Variants in ZNF385D observed in about 807,000 individuals in gnomAD.
ZNF385D encodes the protein zinc finger protein 385D, also known as zinc finger protein 659.
ZNF385D carries 15 observed loss-of-function variants against 35.8 expected under a neutral mutation model. That is an observed-to-expected ratio of 0.42 (90% CI 0.28 to 0.64). The LOEUF (loss-of-function observed/expected upper bound fraction) is 0.64. Ranked by LOEUF, ZNF385D falls within the 30% of genes least tolerant of loss-of-function variation. The pLI is 0.23. For synonymous variants in ZNF385D, 212 were observed against 186.8 expected, an observed-to-expected ratio of 1.13 and a Z score of -1.10; for missense variants, 474 against 494.6, an observed-to-expected ratio of 0.96 and a Z score of 0.39.
intron 3 of ZNF385D, among the ~76,000 whole-genome samples, chr3:21,991,030 G>C (rs1695119395): frequency 2.0e-5 from 3 of 152,144 alleles, no homozygotes; most frequent in African/African-American, 7.2e-5. Context: ...GTTTGTTACG[G>C]AGGTATAATT....
At chr3:21,708,870 C>CACAT (rs1553641608) in intron 1 of ZNF385D, among the ~76,000 whole-genome samples, 19 of 151,894 alleles carry the variant, frequency 1.3e-4, no homozygotes, top group African/African-American at 4.6e-4. Flanking sequence ...TGCACACACA[C>CACAT]ACACACACAC....
At chr3:21,627,251 GT>G (rs1379534889) in intron 2 of ZNF385D, among the ~76,000 whole-genome samples, 13 of 70,582 alleles carry the variant, frequency 1.8e-4, no homozygotes, top group Non-Finnish European at 8.9e-5. Context: ...TGTAGGGTGT[GT>G]GTGTGTGTGT....
At chr3:21,565,314 C>G (rs923868869) in intron 2 of ZNF385D, among the ~76,000 whole-genome samples, 7 of 152,016 alleles carry the variant, frequency 4.6e-5, no homozygotes, top group African/African-American at 1.7e-4. Context: ...TTATCTCCCT[C>G]CATTTTATTT....
chr3:21,644,695 C>T (rs750357449), intron 2 of ZNF385D, among the ~76,000 whole-genome samples: 1 of 152,006 alleles, frequency 6.6e-6, no homozygotes, highest in African/African-American at 2.4e-5. Flanking sequence ...ATACATACAA[C>T]GGAGGCTCAA....
intron 1 of ZNF385D, among the ~76,000 whole-genome samples, chr3:21,721,268 A>G (rs1052343222): frequency 6.6e-6 from 1 of 152,084 alleles, no homozygotes; most frequent in Admixed American, 6.6e-5. Flanking sequence ...TAAGATTCTT[A>G]CCTTCAGGTA....
At chr3:22,085,643 A>G (rs1700991443) in intron 3 of ZNF385D, among the ~76,000 whole-genome samples, 1 of 152,232 alleles carries the variant, frequency 6.6e-6, no homozygotes, top group African/African-American at 2.4e-5. Context: ...ATTCTACCAG[A>G]GGTACAAAGA....
chr3:21,831,742 A>G (rs930978288), intron 3 of ZNF385D, among the ~76,000 whole-genome samples: 2 of 152,166 alleles, frequency 1.3e-5, no homozygotes, highest in Non-Finnish European at 2.9e-5. Context: ...GCACTCCTTC[A>G]AAAGCCACAG....
exon 2 of ZNF385D, chr3:22,372,473 G>A: frequency 1.0e-6 from 1 of 985,794 alleles, no homozygotes; most frequent in Non-Finnish European, 1.2e-6. Flanking sequence ...AGCTTTCGGC[G>A]CCCCCAGGAG....
intron 4 of ZNF385D, among the ~76,000 whole-genome samples, chr3:21,501,932 T>G (rs567103419): frequency 6.6e-6 from 1 of 152,286 alleles, no homozygotes; most frequent in East Asian, 1.9e-4. Flanking sequence ...GTGTTCAGCT[T>G]TTCAGGTACT....
intron 3 of ZNF385D, among the ~76,000 whole-genome samples, chr3:21,885,305 T>C (rs1262489526): frequency 6.6e-6 from 1 of 152,012 alleles, no homozygotes; most frequent in African/African-American, 2.4e-5. Flanking sequence ...AACTAAAATA[T>C]CAACTAACAT....
intron 3 of ZNF385D, among the ~76,000 whole-genome samples, chr3:21,785,030 A>C (rs9846057): frequency 0.42 from 64,286 of 151,938 alleles, 14,282 homozygotes; most frequent in East Asian, 0.8. Context: ...GTTTAGCTCT[A>C]ACATAGATGC....
intron 2 of ZNF385D, among the ~76,000 whole-genome samples, chr3:22,263,012 C>T (rs1700713959): frequency 1.3e-5 from 2 of 151,960 alleles, no homozygotes; most frequent in Admixed American, 6.6e-5. Flanking sequence ...CAAATGACAT[C>T]TCTTAATCTA....
At chr3:22,349,779 G>GA (rs11409385) in intron 2 of ZNF385D, among the ~76,000 whole-genome samples, 121,912 of 151,986 alleles carry the variant, frequency 0.8, 49,873 homozygotes, top group African/African-American at 0.95. Flanking sequence ...CACTTAGCAT[G>GA]AAATGAAAGA....
At chr3:21,802,572 G>T (rs546025603) in intron 3 of ZNF385D, among the ~76,000 whole-genome samples, 1 of 152,184 alleles carries the variant, frequency 6.6e-6, no homozygotes, top group Non-Finnish European at 1.5e-5. Flanking sequence ...AATAGCATCT[G>T]CAATGTAAAC....
chr3:22,202,727 A>G (rs1696883656), intron 2 of ZNF385D, among the ~76,000 whole-genome samples: 2 of 152,128 alleles, frequency 1.3e-5, no homozygotes, highest in Admixed American at 6.6e-5. Context: ...GGATATGGAC[A>G]GAGAATCTGT....
chr3:21,949,472 G>C (rs1321590249), intron 3 of ZNF385D, among the ~76,000 whole-genome samples: 3 of 151,624 alleles, frequency 2.0e-5, no homozygotes, highest in Middle Eastern at 6.8e-3. Context: ...AAGTGTTTTA[G>C]GGTAGTCTAA....
chr3:22,202,766 T>C (rs759424235), intron 2 of ZNF385D, among the ~76,000 whole-genome samples: 1 of 152,198 alleles, frequency 6.6e-6, no homozygotes, highest in South Asian at 2.1e-4. Flanking sequence ...GCACATTGAA[T>C]GTGGGACTTT....
chr3:22,214,369 A>G (rs1156881181), intron 2 of ZNF385D, among the ~76,000 whole-genome samples: 1 of 152,068 alleles, frequency 6.6e-6, no homozygotes, highest in Non-Finnish European at 1.5e-5. Flanking sequence ...AATTGTTTGT[A>G]GGGCATGTGT....
intron 3 of ZNF385D, among the ~76,000 whole-genome samples, chr3:21,810,618 T>G (rs1265791759): frequency 2.0e-5 from 3 of 152,102 alleles, no homozygotes; most frequent in Non-Finnish European, 4.4e-5. Context: ...TAGTTACTTT[T>G]AGAGAAGGAA....
Sources: allele counts gnomAD v4.1 joint callset (sites outside exome capture counted in the v4.1 genomes callset), GRCh38; gene constraint gnomAD v4.1.1; transcripts MANE v1.5; gene names NCBI Gene and HGNC (gene_info 2026-07-23, HGNC 2026-07-21).